The following PLB1 variants were observed in gnomAD, a reference collection of about 807,000 sequenced individuals.
PLB1 encodes the protein phospholipase B1, membrane-associated.
In PLB1, 242 loss-of-function variants were observed where a neutral mutation model predicts 227.4. The observed-to-expected ratio is 1.06, with a 90% CI of 0.96 to 1.18. PLB1 has a LOEUF of 1.18. PLB1 is among the 50% of genes most tolerant of loss of function. PLB1 has a pLI of 0.00. For synonymous variants in PLB1, 757 were observed against 682.2 expected (o/e 1.11, Z -1.71); for missense variants, 1,858 against 1,816.3 (o/e 1.02, Z -0.42).
chr2:28,535,705 G>C (rs1671590175), intron 9 of PLB1, among the ~76,000 whole-genome samples: 1 of 152,180 alleles, frequency 6.6e-6, no homozygotes, highest in African/African-American at 2.4e-5. Context: ...TGGATCACTT[G>C]AGGTTAGGAG....
chr2:28,513,875 C>G (rs543752295), intron 1 of PLB1, among the ~76,000 whole-genome samples: 140 of 152,326 alleles, frequency 9.2e-4, no homozygotes, highest in African/African-American at 3.2e-3. Context: ...AGCCCCAACC[C>G]TCTAAACAAC....
At chr2:28,607,124 T>C (rs962567704) in intron 43 of PLB1, among the ~76,000 whole-genome samples, 1 of 152,134 alleles carries the variant, frequency 6.6e-6, no homozygotes, top group African/African-American at 2.4e-5. Context: ...TAAGGAGGAA[T>C]CCGTAAGTGG....
chr2:28,643,270 C>A lies in PLB1; in HGVS notation c.*209C>A, dbSNP rs773418707. 4 of 459,350 alleles carry A rather than the reference C, an allele frequency of 8.7e-6. No individual in the cohort carries two copies. Among genetic ancestry groups the A allele is most frequent in the Non-Finnish European group, 1.5e-5 (4 of 261,266 alleles). The allele number at this position is 459,350 out of a possible 1,614,324, so 28.5% of individuals were successfully genotyped here. A position where few individuals can be genotyped will look rare whatever the true frequency, so the allele number is the denominator to read the frequency against. ...AAATAAAGTCCAAAGCTATTTTATTCCTGGGTTTGCCTGCGTGAAGCACTC... is the reference window on the plus strand; with the variant it reads ...AAATAAAGTCCAAAGCTATTTTATTACTGGGTTTGCCTGCGTGAAGCACTC... On this transcript the variant is annotated 3_prime_UTR_variant, in exon 58 of 58. Transcript: ENST00000327757.
At chr2:28,537,054 G>C (rs776335725) in intron 9 of PLB1, among the ~76,000 whole-genome samples, 1 of 152,160 alleles carries the variant, frequency 6.6e-6, no homozygotes, top group African/African-American at 2.4e-5. Context: ...TTGATGTCAC[G>C]GTCAGGGAGC....
intron 21 of PLB1, among the ~76,000 whole-genome samples, chr2:28,575,803 G>A (rs931988310): frequency 6.6e-5 from 10 of 152,098 alleles, no homozygotes; most frequent in African/African-American, 9.7e-5. Context: ...TGCCCACCTC[G>A]GCCTCCCAAA....
At chr2:28,634,418 CT>C (rs1689058748) in intron 56 of PLB1, among the ~76,000 whole-genome samples, 1 of 152,146 alleles carries the variant, frequency 6.6e-6, no homozygotes, top group African/African-American at 2.4e-5. Context: ...TCCTTTTCCC[CT>C]GAGACCTCAG....
intron 56 of PLB1, among the ~76,000 whole-genome samples, chr2:28,639,332 C>CA (rs34467682): frequency 0.02 from 2,526 of 124,976 alleles, 59 homozygotes; most frequent in African/African-American, 0.069. Flanking sequence ...AAGTTGAAGA[C>CA]AAAAAAAAAA....
At chr2:28,532,306 C>T (rs1671124830) in intron 9 of PLB1, 112 bp downstream of exon 9, 1 of 731,270 alleles carries the variant, frequency 1.4e-6, no homozygotes, top group East Asian at 2.9e-5. Flanking sequence ...CTAATGCCAC[C>T]TATTTTAGAA....
intron 43 of PLB1, among the ~76,000 whole-genome samples, chr2:28,613,060 C>T (rs1022901285): frequency 6.6e-6 from 1 of 152,140 alleles, no homozygotes; most frequent in Non-Finnish European, 1.5e-5. Flanking sequence ...GCTAGGATTA[C>T]AGGCACATGC....
chr2:28,618,615 T>C (rs139678987), intron 46 of PLB1, among the ~76,000 whole-genome samples: 1 of 152,256 alleles, frequency 6.6e-6, no homozygotes, highest in Non-Finnish European at 1.5e-5. Flanking sequence ...CCATGAGGCC[T>C]CCCCTCAATT....
chr2:28,548,719 T>G, intron 14 of PLB1, 141 bp from the exon 15 acceptor site: 5 of 763,422 alleles, frequency 6.5e-6, no homozygotes, highest in Non-Finnish European at 9.0e-6. Flanking sequence ...ACTCAGTAGT[T>G]TGGGGATGGG....
chr2:28,624,035 C>T (rs1016780581), intron 49 of PLB1, among the ~76,000 whole-genome samples: 1 of 152,124 alleles, frequency 6.6e-6, no homozygotes, highest in Non-Finnish European at 1.5e-5. Flanking sequence ...GGGGTTGAGG[C>T]TGCAGTGAGC....
At chr2:28,525,842 G>A in intron 5 of PLB1, 63 bp from the exon 6 acceptor site, 2 of 1,581,718 alleles carry the variant, frequency 1.3e-6, no homozygotes, top group East Asian at 2.2e-5. Context: ...CAGCCAAGGG[G>A]AAGGGCTATT....
At chr2:28,512,427 C>T (rs1277210153) in intron 1 of PLB1, among the ~76,000 whole-genome samples, 2 of 152,196 alleles carry the variant, frequency 1.3e-5, no homozygotes, top group Non-Finnish European at 2.9e-5. Context: ...TGAAATCCAA[C>T]ATCTGTGTCA....
intron 6 of PLB1, among the ~76,000 whole-genome samples, chr2:28,527,794 C>G (rs1360496538): frequency 6.6e-6 from 1 of 152,178 alleles, no homozygotes; most frequent in Non-Finnish European, 1.5e-5. Context: ...GTGAAAAGAT[C>G]CAACGTCATG....
intron 9 of PLB1, among the ~76,000 whole-genome samples, chr2:28,532,755 G>A (rs577848694): frequency 6.6e-6 from 1 of 152,276 alleles, no homozygotes; most frequent in Admixed American, 6.5e-5. Flanking sequence ...CTCACCCCTT[G>A]GCCCATGAAT....
chr2:28,573,125 T>C, intron 20 of PLB1, 72 bp from the exon 21 acceptor site: 1 of 1,208,686 alleles, frequency 8.3e-7, no homozygotes, highest in South Asian at 1.3e-5. Flanking sequence ...TAACACCCAC[T>C]GGTGCTTATC....
chr2:28,620,284 C>T lies in PLB1; in HGVS notation c.3335C>T (p.Pro1112Leu). 1 of 1,604,982 alleles carries T rather than the reference C, an allele frequency of 6.2e-7. No homozygotes were observed. The change falls in exon 47 of 58, where the codon CCA becomes CTA. Residue 1112 changes from proline (P) to leucine (L), a missense_variant. Physicochemically the swap from Pro to Leu is moderately conservative, Grantham distance 98 (BLOSUM62 -3). Transcript: ENST00000327757. ...DSLTTAVGAR[P>L]NNSSDLPTSW... is the part of the protein sequence containing the mutation. ...TTACAGACAGCAGTGGGAGCTCGAC[C>T]AAACAACTCCAGTGACCTACCCACA...
At chr2:28,552,779 T>C (rs1275353952) in intron 16 of PLB1, 149 bp from the exon 17 acceptor site, 3 of 636,804 alleles carry the variant, frequency 4.7e-6, no homozygotes, top group South Asian at 3.6e-5. Context: ...CAATTGGATA[T>C]GAGTGTTGAA....
Sources: allele counts gnomAD v4.1 joint callset (sites outside exome capture counted in the v4.1 genomes callset), GRCh38; gene constraint gnomAD v4.1.1; transcripts MANE v1.5; gene names NCBI Gene and HGNC (gene_info 2026-07-23, HGNC 2026-07-21).